The following MSI2 variants were observed in gnomAD, a reference collection of about 807,000 sequenced individuals.
MSI2 encodes the protein RNA-binding protein Musashi homolog 2.
MSI2 carries 17 observed loss-of-function variants against 45.6 expected under a neutral mutation model. The ratio of observed to expected loss-of-function variants is 0.37; its 90% CI spans 0.26 to 0.56. MSI2 has a LOEUF of 0.56. Ranked by LOEUF, MSI2 falls within the 20% of genes least tolerant of loss-of-function variation. MSI2 has a pLI of 0.77. For synonymous variants in MSI2, 156 were observed against 158.2 expected, an observed-to-expected ratio of 0.99 and a Z score of 0.11; for missense variants, 293 against 444.2, an observed-to-expected ratio of 0.66 and a Z score of 3.06.
At chr17:57,366,053 A>T (rs1363889137) in intron 5 of MSI2, among the ~76,000 whole-genome samples, 1 of 152,014 alleles carries the variant, frequency 6.6e-6, no homozygotes, top group African/African-American at 2.4e-5. Context: ...AGCTGGGACC[A>T]CCGTTGTGTA....
chr17:57,637,124 C>G (rs1304767493), intron 10 of MSI2, among the ~76,000 whole-genome samples: 2 of 152,202 alleles, frequency 1.3e-5, no homozygotes, highest in Non-Finnish European at 2.9e-5. Context: ...GATTTCAAAT[C>G]ACAAGCGAGC....
chr17:57,660,842 G>A lies in MSI2; in HGVS notation c.790+8681G>A, dbSNP rs543064241. ...CAACAGGGGAGTAACTGTAGGTAAA[G>A]CCAGAGAGCTGGGCAGAATCAGAGC... is the stretch of plus-strand genomic sequence containing the variant. On this transcript the variant is annotated intron_variant, in intron 11 of 13. Coordinates refer to ENST00000284073, the MANE Select transcript of MSI2 (RefSeq NM_138962.4). Among the ~76,000 whole-genome samples the A allele has an allele frequency of 3.9e-5, 6 of 152,322 alleles. No homozygotes were observed. In the South Asian group the frequency reaches 1.0e-3, roughly 26 times the overall value.
At chr17:57,523,356 G>A (rs1387514564) in intron 6 of MSI2, among the ~76,000 whole-genome samples, 4 of 152,132 alleles carry the variant, frequency 2.6e-5, no homozygotes, top group Admixed American at 6.6e-5. Flanking sequence ...CCTGCATTGC[G>A]TCTTTAAAGT....
At chr17:57,429,278 G>T (rs1264848359) in intron 6 of MSI2, among the ~76,000 whole-genome samples, 1 of 152,152 alleles carries the variant, frequency 6.6e-6, no homozygotes, top group Non-Finnish European at 1.5e-5. Flanking sequence ...AGAAAAGGTT[G>T]GCCCCGGTTT....
chr17:57,368,046 A>G (rs995538063), intron 5 of MSI2, among the ~76,000 whole-genome samples: 4 of 152,222 alleles, frequency 2.6e-5, no homozygotes, highest in Non-Finnish European at 5.9e-5. Context: ...GAACAGTGGT[A>G]CCCAAATTGT....
chr17:57,322,496 G>T (rs1913429875), intron 5 of MSI2, among the ~76,000 whole-genome samples: 1 of 151,994 alleles, frequency 6.6e-6, no homozygotes, highest in African/African-American at 2.4e-5. Flanking sequence ...GGAGTGAGAG[G>T]GCAGAATAAT....
intron 7 of MSI2, among the ~76,000 whole-genome samples, chr17:57,563,724 C>CCT (rs2087648235): frequency 7.1e-6 from 1 of 140,640 alleles, no homozygotes; most frequent in Non-Finnish European, 1.6e-5. Flanking sequence ...TCTCTCTTTC[C>CCT]CTCTCACACA....
At chr17:57,338,170 ACCTCCACCTCCTGGGTTTAGGAAATCCT>A (rs1914833192) in intron 5 of MSI2, among the ~76,000 whole-genome samples, 1 of 151,730 alleles carries the variant, frequency 6.6e-6, no homozygotes, top group Admixed American at 6.6e-5. Flanking sequence ...GCTCACTACA[ACCTCCACCTCCTGGGTTTAGGAAATCCT>A]CCTCCTCAGC....
intron 10 of MSI2, among the ~76,000 whole-genome samples, chr17:57,635,919 A>C (rs1352106196): frequency 6.6e-6 from 1 of 152,210 alleles, no homozygotes; most frequent in African/African-American, 2.4e-5. Context: ...TCTGCCATGT[A>C]GCTTGCCTTC....
intron 5 of MSI2, among the ~76,000 whole-genome samples, chr17:57,300,845 C>T (rs966347075): frequency 2.0e-5 from 3 of 152,170 alleles, no homozygotes; most frequent in Non-Finnish European, 4.4e-5. Context: ...AAGAACAGTA[C>T]AGGGGAAACT....
At chr17:57,507,294 G>A (rs530545435) in intron 6 of MSI2, among the ~76,000 whole-genome samples, 7 of 139,658 alleles carry the variant, frequency 5.0e-5, no homozygotes, top group East Asian at 4.8e-4. Context: ...CCCCACCCCC[G>A]ACAATGACTA....
chr17:57,437,645 T>C (rs370515542), intron 6 of MSI2, among the ~76,000 whole-genome samples: 14 of 152,190 alleles, frequency 9.2e-5, no homozygotes, highest in African/African-American at 2.9e-4. Flanking sequence ...GGATGCATTT[T>C]TGGTGGCTTG....
intron 6 of MSI2, chr17:57,522,331 G>A (rs1345718879): frequency 6.6e-6 from 1 of 152,216 alleles, no homozygotes; most frequent in Non-Finnish European, 1.5e-5. Flanking sequence ...TTGTTCTGGG[G>A]GAGTTTGGAG....
chr17:57,271,463 A>G (rs564197435), intron 5 of MSI2, among the ~76,000 whole-genome samples: 133 of 152,230 alleles, frequency 8.7e-4, no homozygotes, highest in African/African-American at 3.1e-3. Flanking sequence ...TTCTGTTTCA[A>G]TTATGTGACA....
chr17:57,660,025 T>C (rs972245678), intron 11 of MSI2, among the ~76,000 whole-genome samples: 10 of 152,182 alleles, frequency 6.6e-5, no homozygotes, highest in African/African-American at 2.4e-4. Context: ...TTAAACACTA[T>C]AGGTTAATGT....
Position 57,296,313 on chromosome 17 carries a change from C to T in MSI2, c.312+34121C>T, listed in dbSNP as rs575569803. 2.8e-4 allele frequency among the ~76,000 whole-genome samples: 42 copies of T among 152,030 alleles called. No individual in the cohort carries two copies. In the South Asian group the frequency reaches 3.5e-3, roughly 13 times the overall value. The stretch of plus-strand genomic sequence containing the variant: ...TCTCTTGAGCCTTTTTGTTTGAAGC[C>T]GGCTGGCTTTGTAGTGTTCATATAT... On this transcript the variant is annotated intron_variant, in intron 5 of 13. Transcript: ENST00000284073.
At chr17:57,468,525 A>G (rs2085372998) in intron 6 of MSI2, among the ~76,000 whole-genome samples, 1 of 151,518 alleles carries the variant, frequency 6.6e-6, no homozygotes, top group South Asian at 2.1e-4. Flanking sequence ...TATCTCAAAA[A>G]AAAAAAAAAA....
At chr17:57,336,539 A>G (rs1914705904) in intron 5 of MSI2, among the ~76,000 whole-genome samples, 1 of 152,230 alleles carries the variant, frequency 6.6e-6, no homozygotes, top group African/African-American at 2.4e-5. Context: ...TCAATCAGGA[A>G]ATATATACAG....
intron 5 of MSI2, among the ~76,000 whole-genome samples, chr17:57,398,189 G>A (rs902905976): frequency 1.3e-5 from 2 of 152,188 alleles, no homozygotes; most frequent in Non-Finnish European, 2.9e-5. Flanking sequence ...TATTTGGAAT[G>A]AAGACATGTT....
Sources: gnomAD v4.1 joint callset for allele counts (sites outside exome capture counted in the v4.1 genomes callset) on GRCh38, gnomAD v4.1.1 for gene constraint, MANE v1.5 for transcripts, NCBI Gene and HGNC (gene_info 2026-07-23, HGNC 2026-07-21) for gene names.